L3MBTL3: variants seen among roughly 807,000 people sequenced by gnomAD.
L3MBTL3 encodes the protein L3MBTL histone methyl-lysine binding protein 3.
In L3MBTL3, 27 loss-of-function variants were observed where a neutral mutation model predicts 102.3. That is an observed-to-expected ratio of 0.26 (90% CI 0.19 to 0.36). The LOEUF is 0.36. Among genes scored for constraint, L3MBTL3 ranks in the 10% least tolerant of loss-of-function variants. L3MBTL3 has a pLI of 1.00. For missense variants in L3MBTL3, 798 were observed against 955.3 expected, an observed-to-expected ratio of 0.84 and a Z score of 2.17; for synonymous variants, 340 against 320.9, an observed-to-expected ratio of 1.06 and a Z score of -0.64.
At chr6:130,135,090 T>A (rs63707864) in intron 22 of L3MBTL3, among the ~76,000 whole-genome samples, 6 of 149,010 alleles carry the variant, frequency 4.0e-5, no homozygotes, top group Non-Finnish European at 7.4e-5. Flanking sequence ...TTTTTTTTTT[T>A]AAATCGAGAT....
chr6:130,074,502 A>G (rs750227263), intron 13 of L3MBTL3, among the ~76,000 whole-genome samples: 11 of 152,182 alleles, frequency 7.2e-5, no homozygotes, highest in Non-Finnish European at 1.5e-4. Context: ...GGACCCAGGA[A>G]GGTAGGTCAG....
intron 2 of L3MBTL3, among the ~76,000 whole-genome samples, chr6:130,022,988 G>C (rs1378000372): frequency 2.0e-5 from 3 of 152,152 alleles, no homozygotes; most frequent in Admixed American, 1.3e-4. Context: ...TCAGGCAGAG[G>C]GGACAGCCAT....
chr6:130,103,703 C>T, intron 18 of L3MBTL3, among the ~76,000 whole-genome samples: 1 of 152,172 alleles, frequency 6.6e-6, no homozygotes, highest in Non-Finnish European at 1.5e-5. Context: ...GACCTGGGCA[C>T]AGGAGTATAC....
intron 20 of L3MBTL3, among the ~76,000 whole-genome samples, chr6:130,132,148 T>C (rs924552236): frequency 2.0e-5 from 3 of 152,128 alleles, no homozygotes; most frequent in African/African-American, 7.2e-5. Flanking sequence ...AAATAAATTA[T>C]AGAGTATTCA....
chr6:130,082,928 A>G (rs554636969), intron 14 of L3MBTL3, among the ~76,000 whole-genome samples: 46 of 152,334 alleles, frequency 3.0e-4, no homozygotes, highest in African/African-American at 1.1e-3. Context: ...CCTGGCTAAC[A>G]TTATCTCTGA....
At chr6:130,087,820 T>G (rs904666150) in intron 16 of L3MBTL3, among the ~76,000 whole-genome samples, 15 of 152,134 alleles carry the variant, frequency 9.9e-5, no homozygotes, top group African/African-American at 3.1e-4. Flanking sequence ...CAGGTTTACA[T>G]TATGTTATGA....
At chr6:130,028,170 T>C (rs1263743917) in intron 2 of L3MBTL3, among the ~76,000 whole-genome samples, 1 of 152,208 alleles carries the variant, frequency 6.6e-6, no homozygotes, top group Non-Finnish European at 1.5e-5. Flanking sequence ...TAATTCATCC[T>C]TCTTACAGTA....
rs1286493744 is a variant in L3MBTL3, at chr6:130,140,775, T to C, written c.*1022T>C. On this transcript the variant is annotated 3_prime_UTR_variant, in exon 23 of 23. Coordinates refer to ENST00000361794, the MANE Select transcript of L3MBTL3 (RefSeq NM_032438.4). ...TGTCCTCCAAACCCAAAGGTTTTTT[T>C]CAGGGTTGGCTAGAGAGCGAGTATT... 6.6e-6 allele frequency: 1 copy of C among 152,304 alleles called. No individual in the cohort carries two copies. Among genetic ancestry groups the C allele is most frequent in the Non-Finnish European group, 1.5e-5 (1 of 68,044 alleles). 9.4% of individuals were successfully genotyped at this position (152,304 alleles called of 1,614,324 possible).
In L3MBTL3 at chr6:130,133,953, A is replaced by C. The variant is rs762662017; in HGVS notation, c.2199+48A>C. The C allele has an allele frequency of 7.0e-7, 1 of 1,418,718 alleles. No homozygotes were observed. Among genetic ancestry groups the C allele is most frequent in the Non-Finnish European group, 1.0e-6 (1 of 1,004,842 alleles). The allele number at this position is 1,418,718 out of a possible 1,614,324, so 87.9% of individuals were successfully genotyped here. A position where few individuals can be genotyped will look rare whatever the true frequency, so the allele number is the denominator to read the frequency against. ...ATATGTTACTTAATGGGATCAAAGCACTGAAATGCAGTGGAAGGTGAAATG... is the reference window on the plus strand; with the variant it reads ...ATATGTTACTTAATGGGATCAAAGCCCTGAAATGCAGTGGAAGGTGAAATG... On this transcript the variant is annotated intron_variant, in intron 22 of 22. Coordinates refer to ENST00000361794, the MANE Select transcript of L3MBTL3 (RefSeq NM_032438.4). The surrounding 1 kb of genome is among the most constrained non-coding windows in gnomAD (Gnocchi z 4.9).
intron 2 of L3MBTL3, among the ~76,000 whole-genome samples, chr6:130,025,427 T>C (rs1779283564): frequency 6.6e-6 from 1 of 152,170 alleles, no homozygotes; most frequent in African/African-American, 2.4e-5. Flanking sequence ...GTATTGACTG[T>C]GGCAGCTATG....
chr6:130,027,974 C>T (rs6569648), intron 2 of L3MBTL3, among the ~76,000 whole-genome samples: 128,225 of 152,086 alleles, frequency 0.84, 54,677 homozygotes, highest in African/African-American at 0.96. Context: ...GTATAGTCTG[C>T]ACGTTGAACA....
intron 2 of L3MBTL3, among the ~76,000 whole-genome samples, chr6:130,024,006 G>A (rs1322908703): frequency 1.3e-5 from 2 of 152,136 alleles, no homozygotes; most frequent in African/African-American, 4.8e-5. Flanking sequence ...AGTAGAAGGA[G>A]TAAATGAAAG....
chr6:130,073,395 A>G (rs942486172), intron 13 of L3MBTL3, among the ~76,000 whole-genome samples: 2 of 152,200 alleles, frequency 1.3e-5, no homozygotes, highest in Non-Finnish European at 2.9e-5. Flanking sequence ...TGATGGCACT[A>G]CTAGGGCGAT....
Position 130,139,597 on chromosome 6 carries a change from T to C in L3MBTL3, c.2200-13T>C, listed in dbSNP as rs1192818145. The C allele has an allele frequency of 1.9e-5, 30 of 1,610,322 alleles. No homozygotes were observed. Among genetic ancestry groups the C allele is most frequent in the Non-Finnish European group, 2.3e-5 (27 of 1,177,130 alleles). On this transcript the variant is annotated splice_polypyrimidine_tract_variant and intron_variant, in intron 22 of 22. Coordinates refer to ENST00000361794, the MANE Select transcript of L3MBTL3 (RefSeq NM_032438.4). ...GTTAATCCACATTCTGTTGTTTTTT[T>C]CCCCCATTTTAGCAAATTGATGGAG...
intron 3 of L3MBTL3, among the ~76,000 whole-genome samples, chr6:130,045,245 T>C (rs547625032): frequency 6.6e-6 from 1 of 152,132 alleles, no homozygotes. Context: ...CTCATTTCAC[T>C]CCCACTGCCA....
intron 2 of L3MBTL3, among the ~76,000 whole-genome samples, chr6:130,033,901 A>G (rs143031503): frequency 1.3e-5 from 2 of 152,346 alleles, no homozygotes; most frequent in East Asian, 3.9e-4. Context: ...TTGACCAGGA[A>G]TGGTTGGGCT....
chr6:130,051,195 T>G, intron 5 of L3MBTL3, 54 bp from the exon 6 acceptor site: 1 of 1,460,630 alleles, frequency 6.8e-7, no homozygotes, highest in Non-Finnish European at 9.4e-7. Context: ...TGATTGTATT[T>G]TAGAATGTCT....
At chr6:130,035,659 G>A (rs527752916) in intron 2 of L3MBTL3, among the ~76,000 whole-genome samples, 12 of 152,280 alleles carry the variant, frequency 7.9e-5, no homozygotes, top group Middle Eastern at 6.8e-3. Flanking sequence ...CAGCATGCTG[G>A]GCATCAATGC....
intron 19 of L3MBTL3, among the ~76,000 whole-genome samples, chr6:130,112,940 T>C (rs1446156269): frequency 2.0e-5 from 3 of 152,208 alleles, no homozygotes; most frequent in African/African-American, 4.8e-5. Context: ...TGTGAAAAGA[T>C]GCTTTCCTCA....
Sources: allele counts gnomAD v4.1 joint callset (sites outside exome capture counted in the v4.1 genomes callset), GRCh38; gene constraint gnomAD v4.1.1; non-coding constraint Gnocchi (gnomAD v3.1); transcripts MANE v1.5; gene names NCBI Gene and HGNC (gene_info 2026-07-23, HGNC 2026-07-21).